The following ATRNL1 variants were observed in gnomAD, a reference collection of about 807,000 sequenced individuals.
ATRNL1 encodes attractin-like protein 1.
A neutral mutation model predicts 182.7 loss-of-function variants in ATRNL1; 95 were observed. The ratio of observed to expected loss-of-function variants is 0.52; its 90% CI spans 0.44 to 0.62. The LOEUF (loss-of-function observed/expected upper bound fraction) is 0.62, where lower values mean the gene tolerates loss of function less well. Among genes scored for constraint, ATRNL1 ranks in the 20% least tolerant of loss-of-function variants. The pLI, the probability that ATRNL1 is intolerant of heterozygous loss-of-function variation, is 0.00. For synonymous variants in ATRNL1, 576 were observed against 568.3 expected, an observed-to-expected ratio of 1.01 and a Z score of -0.19; for missense variants, 1,471 against 1,679.5, an observed-to-expected ratio of 0.88 and a Z score of 2.17.
At chr10:115,799,950 G>T (rs1949752851) in intron 27 of ATRNL1, among the ~76,000 whole-genome samples, 2 of 152,114 alleles carry the variant, frequency 1.3e-5, no homozygotes, top group South Asian at 4.1e-4. Context: ...GCTGGGCATG[G>T]TGGCTCGCAC....
intron 24 of ATRNL1, among the ~76,000 whole-genome samples, chr10:115,492,170 G>C (rs1048260655): frequency 7.9e-5 from 12 of 152,128 alleles, no homozygotes; most frequent in Non-Finnish European, 2.9e-5. Context: ...GCTGCAGCCT[G>C]GAGCAGTTCC....
At chr10:115,935,078 G>A (rs957211224) in intron 28 of ATRNL1, among the ~76,000 whole-genome samples, 1 of 152,092 alleles carries the variant, frequency 6.6e-6, no homozygotes, top group African/African-American at 2.4e-5. Flanking sequence ...TAGAGATCAC[G>A]CCTCTATCTT....
intron 24 of ATRNL1, among the ~76,000 whole-genome samples, chr10:115,515,007 C>T (rs1554983533): frequency 1.3e-5 from 2 of 151,826 alleles, no homozygotes; most frequent in Admixed American, 6.6e-5. Flanking sequence ...TGACTGGTTG[C>T]TTTTGAAAGT....
At chr10:115,749,787 A>AT in intron 27 of ATRNL1, among the ~76,000 whole-genome samples, 1 of 152,028 alleles carries the variant, frequency 6.6e-6, no homozygotes, top group African/African-American at 2.4e-5. Context: ...TATCTCTAAC[A>AT]TAAAAAAAAT....
At chr10:115,733,584 G>A (rs1334933329) in intron 27 of ATRNL1, among the ~76,000 whole-genome samples, 7 of 152,134 alleles carry the variant, frequency 4.6e-5, no homozygotes, top group African/African-American at 1.7e-4. Context: ...CCTATTAAGA[G>A]CATTGATGGC....
chr10:115,382,733 A>G (rs1368137117), intron 19 of ATRNL1, among the ~76,000 whole-genome samples: 1 of 149,532 alleles, frequency 6.7e-6, no homozygotes, highest in Non-Finnish European at 1.5e-5. Flanking sequence ...TTTGATAAGA[A>G]TCTCCAGTAC....
At chr10:115,098,150 A>G (rs1265753609) in intron 1 of ATRNL1, among the ~76,000 whole-genome samples, 7 of 152,214 alleles carry the variant, frequency 4.6e-5, no homozygotes, top group Middle Eastern at 3.2e-3. Context: ...ATAATCACAC[A>G]GTAGGAATTT....
intron 28 of ATRNL1, among the ~76,000 whole-genome samples, chr10:115,849,530 G>A (rs529157464): frequency 6.6e-6 from 1 of 152,306 alleles, no homozygotes; most frequent in South Asian, 2.1e-4. Flanking sequence ...AAAGAGACAA[G>A]TAGCAGTGTG....
chr10:115,649,576 C>G (rs7096026), intron 26 of ATRNL1, among the ~76,000 whole-genome samples: 1 of 152,158 alleles, frequency 6.6e-6, no homozygotes, highest in Non-Finnish European at 1.5e-5. Flanking sequence ...GACACCTCAT[C>G]TGATGCTTGA....
At chr10:115,689,454 A>G (rs555378848) in intron 26 of ATRNL1, among the ~76,000 whole-genome samples, 27 of 152,234 alleles carry the variant, frequency 1.8e-4, no homozygotes, top group African/African-American at 6.5e-4. Context: ...ATGTTTTCAT[A>G]TGTTGTGTTT....
At chr10:115,757,357 G>A (rs765176233) in intron 27 of ATRNL1, among the ~76,000 whole-genome samples, 5 of 152,106 alleles carry the variant, frequency 3.3e-5, no homozygotes, top group Non-Finnish European at 5.9e-5. Flanking sequence ...AGGCCTGGTG[G>A]TGACAAAATC....
At position 115,300,067 on chromosome 10, in the gene ATRNL1, A is replaced by C. The variant is rs782705608; in HGVS notation, c.2449A>C (p.Asn817His). 1 of 1,613,862 alleles carries C rather than the reference A, an allele frequency of 6.2e-7. No individual in the cohort carries two copies. Among genetic ancestry groups the C allele is most frequent in the Admixed American group, 1.7e-5 (1 of 60,004 alleles). Residue 817 changes from asparagine (N) to histidine (H), a missense_variant, in exon 16 of 29, where the codon AAT becomes CAT. By Grantham distance (68) the Asn-to-His change is moderately conservative (BLOSUM62 1). Coordinates refer to ENST00000355044, the MANE Select transcript of ATRNL1 (RefSeq NM_207303.4). ...ACCTTGGGTAGGCTTGCGCAAGATC[A>C]ATATATCCTATTGGGGATGGGAAGA... ...VSPWVGLRKI[N>H]ISYWGWEDMS... is the part of the protein sequence containing the mutation.
intron 24 of ATRNL1, among the ~76,000 whole-genome samples, chr10:115,475,609 A>C (rs563645783): frequency 1.3e-5 from 2 of 151,590 alleles, no homozygotes; most frequent in Admixed American, 6.6e-5. Context: ...TCAATTACCC[A>C]ATCTATAAAA....
intron 24 of ATRNL1, among the ~76,000 whole-genome samples, chr10:115,486,640 A>G (rs183117963): frequency 6.6e-6 from 1 of 152,250 alleles, no homozygotes; most frequent in Non-Finnish European, 1.5e-5. Flanking sequence ...TCTGGATATT[A>G]GCCCTTTGTC....
intron 28 of ATRNL1, among the ~76,000 whole-genome samples, chr10:115,856,692 A>G (rs782010869): frequency 6.6e-6 from 1 of 152,062 alleles, no homozygotes; most frequent in Non-Finnish European, 1.5e-5. Context: ...GATCCCTCAC[A>G]TGCGCAGTTC....
chr10:115,315,490 C>G, intron 17 of ATRNL1, 28 bp from the exon 18 acceptor site: 1 of 1,490,162 alleles, frequency 6.7e-7, no homozygotes, highest in Non-Finnish European at 9.3e-7. Context: ...GTCATGTTAA[C>G]ATATTTGTCA....
chr10:115,864,340 A>ATGTAGAAAT, intron 28 of ATRNL1, among the ~76,000 whole-genome samples: 1 of 152,192 alleles, frequency 6.6e-6, no homozygotes, highest in African/African-American at 2.4e-5. Flanking sequence ...TAATTAATGG[A>ATGTAGAAAT]TGTAGAAATA....
intron 20 of ATRNL1, among the ~76,000 whole-genome samples, chr10:115,415,468 C>A (rs1845344362): frequency 3.3e-5 from 5 of 151,150 alleles, no homozygotes; most frequent in Admixed American, 3.3e-4. Context: ...TATTTCCTCC[C>A]AGTTTGTCAT....
rs372731513 is a variant in ATRNL1, at chr10:115,441,022, CT to C, written c.3322+14726del. On this transcript the variant is annotated intron_variant, in intron 21 of 28. Transcript: ENST00000355044. ...TTTTTTTACCACCACAATCACCAAA[CT>C]TTTTTGCACCTATACTTATTTTCTC... Among the ~76,000 whole-genome samples the C allele has an allele frequency of 3.3e-5, 5 of 151,860 alleles. 1 individual carries two copies. The highest frequency in any genetic ancestry group is 1.2e-4 in the African/African-American group (5 of 41,500).
Sources: allele counts gnomAD v4.1 joint callset (sites outside exome capture counted in the v4.1 genomes callset), GRCh38; gene constraint gnomAD v4.1.1; transcripts MANE v1.5; gene names NCBI Gene and HGNC (gene_info 2026-07-23, HGNC 2026-07-21).